Variants in PIP5K1A observed in about 807,000 individuals in gnomAD.
PIP5K1A encodes the protein phosphatidylinositol-4-phosphate 5-kinase type 1 alpha.
In PIP5K1A, 46 loss-of-function variants were observed where a neutral mutation model predicts 72.9. The ratio of observed to expected loss-of-function variants is 0.63; its 90% CI spans 0.50 to 0.81. The LOEUF (loss-of-function observed/expected upper bound fraction) is 0.81, where lower values mean the gene tolerates loss of function less well. Ranked by LOEUF, PIP5K1A falls within the 30% of genes least tolerant of loss-of-function variation. The probability of loss-of-function intolerance (pLI) is 0.00; values close to 1 mark genes in which losing one functional copy is unlikely to be tolerated. For synonymous variants in PIP5K1A, 228 were observed against 255.1 expected (o/e 0.89, Z 1.01); for missense variants, 458 against 706.1 (o/e 0.65, Z 3.98).
Position 151,232,846 on chromosome 1 carries a change from A to G in PIP5K1A, c.639+143A>G. On this transcript the variant is annotated intron_variant, in intron 7 of 15. Transcript: ENST00000368888. ...CCAGGCACGGTGGCTCATGCCTGTA[A>G]TCCCAGGACTTTGGGAGGCCGAGGC... 7.7e-6 allele frequency: 5 copies of G among 648,732 alleles called. No individual in the cohort carries two copies. In the Middle Eastern group the frequency reaches 1.1e-3, roughly 147 times the overall value. 40.2% of individuals were successfully genotyped at this position (648,732 alleles called of 1,614,324 possible).
chr1:151,246,989 G>GGTGAAC, intron 15 of PIP5K1A, 24 bp downstream of exon 15: 1 of 1,603,132 alleles, frequency 6.2e-7, no homozygotes, highest in African/African-American at 1.3e-5. Flanking sequence ...ATGTGTGGGA[G>GGTGAAC]GTGAACGTTT....
intron 14 of PIP5K1A, among the ~76,000 whole-genome samples, chr1:151,244,194 AGTCG>A (rs1692168296): frequency 1.3e-5 from 2 of 149,258 alleles, no homozygotes; most frequent in African/African-American, 2.5e-5. Context: ...AAAAAAAAAA[AGTCG>A]TGAAAATGTT....
chr1:151,212,468 A>G (rs950805473), intron 1 of PIP5K1A, among the ~76,000 whole-genome samples: 1 of 152,196 alleles, frequency 6.6e-6, no homozygotes, highest in African/African-American at 2.4e-5. Context: ...GTACCTCTTC[A>G]CCACAAACAC....
intron 1 of PIP5K1A, among the ~76,000 whole-genome samples, chr1:151,219,419 G>A (rs1688084239): frequency 6.6e-6 from 1 of 151,714 alleles, no homozygotes; most frequent in African/African-American, 2.4e-5. Flanking sequence ...TGGCCCGGTG[G>A]CTCATGCCTA....
chr1:151,204,494 T>C (rs1685671603), intron 1 of PIP5K1A, among the ~76,000 whole-genome samples: 2 of 152,170 alleles, frequency 1.3e-5, no homozygotes, highest in Admixed American at 1.3e-4. Flanking sequence ...GTTTTTTTGA[T>C]CTGTGTTCTG....
At chr1:151,216,297 C>T (rs1011639047) in intron 1 of PIP5K1A, among the ~76,000 whole-genome samples, 2 of 147,724 alleles carry the variant, frequency 1.4e-5, no homozygotes, top group Non-Finnish European at 3.0e-5. Flanking sequence ...TGCAGTGAGC[C>T]GAGATCGTGC....
chr1:151,239,358 C>T (rs1691337866), intron 11 of PIP5K1A, among the ~76,000 whole-genome samples, 180 bp downstream of exon 11: 1 of 151,744 alleles, frequency 6.6e-6, no homozygotes, highest in Non-Finnish European at 1.5e-5. Flanking sequence ...CTGCAACCTC[C>T]GTCTCGCAGT....
At chr1:151,195,521 G>A (rs1356416266), upstream of PIP5K1A, among the ~76,000 whole-genome samples, 5 of 152,014 alleles carry the variant, frequency 3.3e-5, no homozygotes, top group Admixed American at 1.3e-4. Context: ...GAGTGGGGGC[G>A]CCCCAGGGAC....
chr1:151,236,119 CAAAA>C (rs377141308), intron 8 of PIP5K1A, among the ~76,000 whole-genome samples: 4 of 64,772 alleles, frequency 6.2e-5, no homozygotes, highest in Admixed American at 1.8e-4. Flanking sequence ...GACTCCGTCT[CAAAA>C]AAAAAAAAAA....
intron 4 of PIP5K1A, 33 bp downstream of exon 4, chr1:151,227,433 C>T: frequency 1.4e-6 from 2 of 1,408,566 alleles, no homozygotes; most frequent in Non-Finnish European, 2.0e-6. Context: ...CATCTTACTC[C>T]AGGAGCTCAG....
At chr1:151,240,168 A>T in intron 12 of PIP5K1A, 129 bp downstream of exon 12, 2 of 695,774 alleles carry the variant, frequency 2.9e-6, no homozygotes. Context: ...CCTACATCCC[A>T]TGAGAGCCAT....
At chr1:151,203,304 G>A (rs1475041069) in intron 1 of PIP5K1A, among the ~76,000 whole-genome samples, 2 of 151,928 alleles carry the variant, frequency 1.3e-5, no homozygotes, top group African/African-American at 2.4e-5. Flanking sequence ...CAAGGCAGGC[G>A]GATCACCTGA....
chr1:151,198,015 T>C (rs772380806), upstream of PIP5K1A: 16 of 470,212 alleles, frequency 3.4e-5, no homozygotes, highest in Middle Eastern at 1.9e-3. Flanking sequence ...TCTTCACTGA[T>C]TCATGCATCA....
Position 151,236,784 on chromosome 1 carries a change from T to TG in PIP5K1A, c.1145+21_1145+22insG, listed in dbSNP as rs1178885628. The TG allele has an allele frequency of 2.7e-6, 4 of 1,490,208 alleles. No homozygotes were observed. The African/African-American group carries it at 5.6e-5, about 21-fold the overall frequency. The allele number at this position is 1,490,208 out of a possible 1,614,324, so 92.3% of individuals were successfully genotyped here. On this transcript the variant is annotated intron_variant, in intron 9 of 15. Coordinates refer to ENST00000368888, the MANE Select transcript of PIP5K1A (RefSeq NM_001135638.2). Reference sequence around the variant, plus strand: ...GACCAGTAAGTGGGCTCAGGGCCACTAGGGGGGAGAACATAGGCCCACAGC... The same window carrying TG: ...GACCAGTAAGTGGGCTCAGGGCCACTGAGGGGGGAGAACATAGGCCCACAGC...
chr1:151,247,759 C>T lies in PIP5K1A; in HGVS notation c.1687-104C>T, dbSNP rs1692722173. On this transcript the variant is annotated intron_variant, in intron 15 of 15. Transcript: ENST00000368888. The stretch of plus-strand genomic sequence containing the variant: ...TTTTTAAAAAATATTTTTGGTACCT[C>T]ATACTTGGAGGCTGAGGCTGAAATA... 1.9e-5 allele frequency: 18 copies of T among 937,940 alleles called. No individual in the cohort carries two copies. The South Asian group carries it at 2.6e-4, about 13-fold the overall frequency. The allele number at this position is 937,940 out of a possible 1,614,324, so 58.1% of individuals were successfully genotyped here.
intron 1 of PIP5K1A, among the ~76,000 whole-genome samples, chr1:151,207,534 CT>C (rs11384537): frequency 6.9e-4 from 98 of 141,790 alleles, no homozygotes; most frequent in Admixed American, 8.6e-4. Context: ...CAAGATTAAT[CT>C]TTTTTTTTTT....
chr1:151,247,792 C>T, intron 15 of PIP5K1A, 71 bp from the exon 16 acceptor site: 1 of 1,304,024 alleles, frequency 7.7e-7, no homozygotes, highest in South Asian at 1.3e-5. Context: ...ATAGAAATTT[C>T]TTAACGCTTG....
chr1:151,236,821 CTTTTTTTTTTTTTT>C, intron 9 of PIP5K1A, 58 bp downstream of exon 9: 1 of 495,994 alleles, frequency 2.0e-6, no homozygotes, highest in Non-Finnish European at 3.3e-6. Context: ...CTTTTCTTTT[CTTTTTTTTTTTTTT>C]TTTTTTTTAG....
intron 1 of PIP5K1A, among the ~76,000 whole-genome samples, chr1:151,208,071 G>C (rs587765350): frequency 4.6e-5 from 7 of 151,834 alleles, no homozygotes; most frequent in Non-Finnish European, 7.4e-5. Flanking sequence ...GTTGGGTCAG[G>C]CTGTTCTCGA....
Sources: gnomAD v4.1 joint callset for allele counts (sites outside exome capture counted in the v4.1 genomes callset) on GRCh38, gnomAD v4.1.1 for gene constraint, MANE v1.5 for transcripts, NCBI Gene and HGNC (gene_info 2026-07-23, HGNC 2026-07-21) for gene names.